The following NFASC variants were observed in gnomAD, a reference collection of about 807,000 sequenced individuals.
The protein encoded by NFASC is neurofascin homolog.
NFASC carries 43 observed loss-of-function variants against 147.5 expected under a neutral mutation model. The ratio of observed to expected loss-of-function variants is 0.29; its 90% CI spans 0.23 to 0.38. The LOEUF (loss-of-function observed/expected upper bound fraction) is 0.38, where lower values mean the gene tolerates loss of function less well. NFASC is among the 10% of genes least tolerant of loss of function. The pLI, the probability that NFASC is intolerant of heterozygous loss-of-function variation, is 1.00. For synonymous variants in NFASC, 622 were observed against 665.5 expected (o/e 0.93, Z 1.01); for missense variants, 1,320 against 1,689.0 (o/e 0.78, Z 3.83).
chr1:204,951,941 A>G, intron 4 of NFASC, 70 bp from the exon 5 acceptor site: 1 of 1,285,972 alleles, frequency 7.8e-7, no homozygotes, highest in Non-Finnish European at 1.1e-6. Context: ...TCTTCATCTC[A>G]GCTGTTCCCC....
At chr1:204,884,130 A>G (rs1439249761) in intron 1 of NFASC, among the ~76,000 whole-genome samples, 4 of 152,160 alleles carry the variant, frequency 2.6e-5, no homozygotes, top group South Asian at 4.1e-4. Context: ...ACATGTAGCT[A>G]TAATGTGGCT....
intron 21 of NFASC, 49 bp downstream of exon 21, chr1:204,982,069 C>A: frequency 1.6e-6 from 2 of 1,283,504 alleles, no homozygotes; most frequent in South Asian, 3.2e-5. Context: ...GTGGCTAGGT[C>A]GCACGAGGCC....
chr1:204,976,996 T>A, intron 16 of NFASC: 1 of 1,323,222 alleles, frequency 7.6e-7, no homozygotes, highest in Non-Finnish European at 9.6e-7. Context: ...GGTTACCTCC[T>A]GAGTGGAGTC....
Position 204,988,663 on chromosome 1 carries a change from T to A in NFASC, c.2624T>A (p.Val875Glu). Residue 875 changes from valine to glutamate, a missense_variant, in exon 23 of 30, where the codon GTG becomes GAG. This residue lies in a region of NFASC where 981 missense variants were observed against 1,289.5 expected (regional missense o/e 0.76). Transcript: ENST00000339876. ...GGGACCAAAGTAGGAAAGCAGATAG[T>A]GGAAAACTTCTCTCCCAATCAGACC... is the stretch of plus-strand genomic sequence containing the variant. ...FNGTKVGKQI[V>E]ENFSPNQTKF... The A allele has an allele frequency of 6.2e-7, 1 of 1,614,206 alleles. No homozygotes were observed.
chr1:204,836,103 T>C (rs1281449347), intron 1 of NFASC, among the ~76,000 whole-genome samples: 1 of 152,174 alleles, frequency 6.6e-6, no homozygotes. Context: ...CTCTTTTCTT[T>C]ATATTACTAA....
At chr1:204,976,998 A>G (rs948278399) in intron 16 of NFASC, 1 of 1,321,548 alleles carries the variant, frequency 7.6e-7, no homozygotes, top group Non-Finnish European at 9.6e-7. Flanking sequence ...TTACCTCCTG[A>G]GTGGAGTCAT....
Position 204,954,684 on chromosome 1 carries a change from C to CA in NFASC, c.413-144dup. 1.0e-6 allele frequency: 1 copy of CA among 990,112 alleles called. No homozygotes were observed. Among genetic ancestry groups the CA allele is most frequent in the Non-Finnish European group, 1.5e-6 (1 of 662,060 alleles). 61.3% of individuals were successfully genotyped at this position (990,112 alleles called of 1,614,324 possible). On this transcript the variant is annotated intron_variant, in intron 6 of 29. Coordinates refer to ENST00000339876, the MANE Select transcript of NFASC (RefSeq NM_001005388.3). This position sits in a 1 kb window ranked among gnomAD's most constrained non-coding sequence, Gnocchi z 5.7. ...TCAAGGGCGGCCCCTTGAGTAGGCTCACGTGCCCCGTCCCTCTCTCTTGCT... is the reference window on the plus strand; with the variant it reads ...TCAAGGGCGGCCCCTTGAGTAGGCTCAACGTGCCCCGTCCCTCTCTCTTGCT...
intron 1 of NFASC, among the ~76,000 whole-genome samples, chr1:204,901,588 A>G (rs1004754641): frequency 3.3e-5 from 5 of 152,140 alleles, no homozygotes; most frequent in African/African-American, 1.2e-4. Context: ...ATTGGAATGG[A>G]TTTAAAAGAG....
At chr1:204,931,150 A>G (rs1240128481) in intron 2 of NFASC, among the ~76,000 whole-genome samples, 2 of 152,204 alleles carry the variant, frequency 1.3e-5, no homozygotes, top group Non-Finnish European at 2.9e-5. Flanking sequence ...CTCTGCAAAC[A>G]TTATTACTTT....
chr1:204,907,482 C>T (rs1312163108), intron 1 of NFASC, among the ~76,000 whole-genome samples: 1 of 152,218 alleles, frequency 6.6e-6, no homozygotes, highest in Admixed American at 6.5e-5. Context: ...CCTGCCCCCT[C>T]ACTGTAAGGC....
chr1:204,886,262 T>A (rs1286890086), intron 1 of NFASC, among the ~76,000 whole-genome samples: 1 of 152,232 alleles, frequency 6.6e-6, no homozygotes, highest in Non-Finnish European at 1.5e-5. Flanking sequence ...TAGGCTATTA[T>A]AACTTTTAAG....
At chr1:205,008,902 G>T (rs2096194432) in intron 27 of NFASC, 1 of 157,376 alleles carries the variant, frequency 6.4e-6, no homozygotes, top group Non-Finnish European at 1.4e-5. Context: ...CTGGCTAGGG[G>T]TACCCACACC....
chr1:204,845,318 C>T (rs895637431), intron 1 of NFASC, among the ~76,000 whole-genome samples: 100 of 148,494 alleles, frequency 6.7e-4, no homozygotes, highest in African/African-American at 2.4e-3. Context: ...AATAGCTGGG[C>T]GTGATGGTGA....
Position 204,987,639 on chromosome 1 carries a change from C to A in NFASC, c.2593+99C>A. The A allele has an allele frequency of 1.4e-6, 2 of 1,424,646 alleles. No homozygotes were observed. The highest frequency in any genetic ancestry group is 2.3e-5 in the East Asian group (1 of 43,882). 88.3% of individuals were successfully genotyped at this position (1,424,646 alleles called of 1,614,324 possible). A position where few individuals can be genotyped will look rare whatever the true frequency, so the allele number is the denominator to read the frequency against. The stretch of plus-strand genomic sequence containing the variant: ...ACTCAAGGTAGAAAGCCTGTGGGTG[C>A]AGATGGCATTGTGGAGGGATGGAGG... On this transcript the variant is annotated intron_variant, in intron 22 of 29. Coordinates refer to ENST00000339876, the MANE Select transcript of NFASC (RefSeq NM_001005388.3). The surrounding 1 kb of genome is among the most constrained non-coding windows in gnomAD (Gnocchi z 4.4).
At chr1:205,003,162 G>A (rs1430284119) in intron 27 of NFASC, among the ~76,000 whole-genome samples, 2 of 152,166 alleles carry the variant, frequency 1.3e-5, no homozygotes, top group South Asian at 2.1e-4. Context: ...TAGGGCCAGC[G>A]CAGGGCCTTG....
At chr1:204,938,019 C>T (rs1176799292) in intron 2 of NFASC, among the ~76,000 whole-genome samples, 5 of 152,216 alleles carry the variant, frequency 3.3e-5, no homozygotes, top group African/African-American at 7.2e-5. Context: ...AGCCATGTCT[C>T]GACGCTGCCA....
chr1:204,906,890 A>G (rs1038150466), intron 1 of NFASC, among the ~76,000 whole-genome samples: 9 of 152,142 alleles, frequency 5.9e-5, no homozygotes, highest in East Asian at 1.9e-4. Flanking sequence ...TCACCATGTT[A>G]GCCAGGATGG....
At position 204,997,230 on chromosome 1, in the gene NFASC, C is replaced by A; in HGVS notation, c.2843C>A (p.Ala948Asp). ...ACGGGCGCTGTGAGCAGTACCGATGCTACTGCCATTGCTGCCACCACCGAA... is the reference window on the plus strand; with the variant it reads ...ACGGGCGCTGTGAGCAGTACCGATGATACTGCCATTGCTGCCACCACCGAA... Reference protein sequence around the residue: ...GATGAVSSTDATAIAATTEAT... With the variant: ...GATGAVSSTDDTAIAATTEAT... The change falls in exon 25 of 30, where the codon GCT (alanine) becomes GAT (aspartate). Residue 948 changes from alanine to aspartate, a missense_variant. Coordinates refer to ENST00000339876, the MANE Select transcript of NFASC (RefSeq NM_001005388.3). 5 of 1,613,748 alleles carry A rather than the reference C, an allele frequency of 3.1e-6. No homozygotes were observed. The highest frequency in any genetic ancestry group is 4.2e-6 in the Non-Finnish European group (5 of 1,179,834).
chr1:204,939,123 A>C (rs1028504955), intron 2 of NFASC, among the ~76,000 whole-genome samples: 3 of 145,538 alleles, frequency 2.1e-5, no homozygotes, highest in Non-Finnish European at 3.0e-5. Flanking sequence ...ACATGAGCTG[A>C]ATTAATCATG....
Sources: allele counts gnomAD v4.1 joint callset (sites outside exome capture counted in the v4.1 genomes callset), GRCh38; gene constraint gnomAD v4.1.1; regional missense constraint gnomAD v4.1.1; non-coding constraint Gnocchi (gnomAD v3.1); transcripts MANE v1.5; gene names NCBI Gene and HGNC (gene_info 2026-07-23, HGNC 2026-07-21).